The following GLCE variants were observed in gnomAD, a reference collection of about 807,000 sequenced individuals.
GLCE encodes glucuronic acid epimerase, also known as D-glucuronyl C5-epimerase.
In GLCE, 19 loss-of-function variants were observed where a neutral mutation model predicts 47.9. The ratio of observed to expected loss-of-function variants is 0.40; its 90% CI spans 0.28 to 0.58. GLCE has a LOEUF of 0.58. Among genes scored for constraint, GLCE ranks in the 20% least tolerant of loss-of-function variants. GLCE has a pLI of 0.48. For synonymous variants in GLCE, 245 were observed against 263.4 expected, an observed-to-expected ratio of 0.93 and a Z score of 0.68; for missense variants, 556 against 743.3, an observed-to-expected ratio of 0.75 and a Z score of 2.93.
intron 1 of GLCE, among the ~76,000 whole-genome samples, chr15:69,202,015 GCT>G (rs1352114977): frequency 6.6e-6 from 1 of 151,978 alleles, no homozygotes; most frequent in Non-Finnish European, 1.5e-5. Flanking sequence ...GACCTCCTCA[GCT>G]CAAACAGTCT....
At chr15:69,261,389 C>G in intron 4 of GLCE, 60 bp downstream of exon 4, 1 of 1,515,358 alleles carries the variant, frequency 6.6e-7, no homozygotes, top group South Asian at 1.2e-5. Flanking sequence ...CCCTGATAGT[C>G]CCTTAAAATT....
intron 2 of GLCE, among the ~76,000 whole-genome samples, chr15:69,249,617 TG>T (rs2052807901): frequency 6.6e-6 from 1 of 152,154 alleles, no homozygotes; most frequent in Non-Finnish European, 1.5e-5. Context: ...AGGGAAACTT[TG>T]GCCTACATTA....
chr15:69,246,006 G>A lies in GLCE; in HGVS notation c.-13-9788G>A, dbSNP rs575569508. The stretch of plus-strand genomic sequence containing the variant: ...GGCCTCCTAAAGTACTGGGTTTACA[G>A]GCGTGAGCCACCGCGCCCGGCCAGT... On this transcript the variant is annotated intron_variant, in intron 2 of 4. Coordinates refer to ENST00000261858, the MANE Select transcript of GLCE (RefSeq NM_015554.3). Among the ~76,000 whole-genome samples, 25 of 152,320 alleles carry A rather than the reference G, an allele frequency of 1.6e-4. No individual in the cohort carries two copies. In the South Asian group the frequency reaches 5.2e-3, roughly 32 times the overall value.
At chr15:69,233,211 A>G (rs1254479780) in intron 2 of GLCE, among the ~76,000 whole-genome samples, 2 of 152,160 alleles carry the variant, frequency 1.3e-5, no homozygotes, top group Non-Finnish European at 2.9e-5. Context: ...GTGCTCTATA[A>G]CCTCTAAGGA....
rs143718275 is a variant in GLCE at position 69,185,744 on chromosome 15, A to G, written c.-104-24572A>G. On this transcript the variant is annotated intron_variant, in intron 1 of 4. Coordinates refer to ENST00000261858, the MANE Select transcript of GLCE (RefSeq NM_015554.3). ...TTTCCCTACACACCAAGCAGTGCAC[A>G]TCAGCTGGGTATTCTCCAGTTCAAT... is the stretch of plus-strand genomic sequence containing the variant. Among the ~76,000 whole-genome samples, 55 of 152,172 alleles carry G rather than the reference A, an allele frequency of 3.6e-4. 1 individual carries two copies. The East Asian group carries it at 0.01, about 28-fold the overall frequency.
At position 69,198,814 on chromosome 15, in the gene GLCE, C is replaced by A. The variant is rs1595750312; in HGVS notation, c.-104-11502C>A. ...AAGTGATCCTCCTGCCTTGGCCTCC[C>A]AAAGTCTTGGGATTACAGGCGTGAA... On this transcript the variant is annotated intron_variant, in intron 1 of 4. Transcript: ENST00000261858. Among the ~76,000 whole-genome samples, 4 of 152,112 alleles carry A rather than the reference C, an allele frequency of 2.6e-5. No individual in the cohort carries two copies. In the East Asian group the frequency reaches 7.7e-4, roughly 29 times the overall value.
chr15:69,258,289 C>T lies in GLCE; in HGVS notation c.586+1897C>T, dbSNP rs1007851273. Among the ~76,000 whole-genome samples, 4 of 149,892 alleles carry T rather than the reference C, an allele frequency of 2.7e-5. No homozygotes were observed. In the East Asian group the frequency reaches 7.8e-4, roughly 29 times the overall value. On this transcript the variant is annotated intron_variant, in intron 3 of 4. Transcript: ENST00000261858. ...TGCGTTGGTTTGCTAAGGATAATGG[C>T]CCCTCGCTCCATCCATATTTCTACA...
chr15:69,208,574 T>C (rs925019931), intron 1 of GLCE, among the ~76,000 whole-genome samples: 2 of 152,086 alleles, frequency 1.3e-5, no homozygotes, highest in Non-Finnish European at 2.9e-5. Flanking sequence ...CCTTCAACTT[T>C]ATTCATTTTA....
At chr15:69,243,547 A>G (rs577627226) in intron 2 of GLCE, among the ~76,000 whole-genome samples, 1 of 147,734 alleles carries the variant, frequency 6.8e-6, no homozygotes, top group Non-Finnish European at 1.5e-5. Context: ...CAGGCTGGGT[A>G]ACTAATGAGA....
chr15:69,188,889 TA>T (rs1445177419), intron 1 of GLCE, among the ~76,000 whole-genome samples: 1 of 152,250 alleles, frequency 6.6e-6, no homozygotes, highest in Non-Finnish European at 1.5e-5. Context: ...AAATAAACTT[TA>T]TTTTTTTAGA....
At chr15:69,179,559 A>G (rs2051721279) in intron 1 of GLCE, among the ~76,000 whole-genome samples, 4 of 152,234 alleles carry the variant, frequency 2.6e-5, no homozygotes. Flanking sequence ...TTTCATCACA[A>G]CAGAAATCCC....
intron 2 of GLCE, among the ~76,000 whole-genome samples, chr15:69,221,862 CA>C (rs35986310): frequency 0.7 from 61,089 of 87,712 alleles, 19,845 homozygotes; most frequent in Middle Eastern, 0.79. Flanking sequence ...GACGCTGTCT[CA>C]AAAAAAAAAA....
intron 1 of GLCE, among the ~76,000 whole-genome samples, chr15:69,172,224 A>G (rs1322053736): frequency 6.6e-6 from 1 of 152,226 alleles, no homozygotes; most frequent in African/African-American, 2.4e-5. Flanking sequence ...AGTAAAGGTT[A>G]CAGACAATAA....
chr15:69,185,038 G>A (rs557270672), intron 1 of GLCE, among the ~76,000 whole-genome samples: 1 of 152,180 alleles, frequency 6.6e-6, no homozygotes, highest in Non-Finnish European at 1.5e-5. Flanking sequence ...TCAGAGTTGT[G>A]GCGTGGATAT....
chr15:69,197,882 G>A (rs1374591697), intron 1 of GLCE, among the ~76,000 whole-genome samples: 1 of 152,170 alleles, frequency 6.6e-6, no homozygotes, highest in Non-Finnish European at 1.5e-5. Context: ...GAATAATCCA[G>A]TAGAGAGGGA....
At chr15:69,179,397 C>T (rs2051718527) in intron 1 of GLCE, among the ~76,000 whole-genome samples, 1 of 152,148 alleles carries the variant, frequency 6.6e-6, no homozygotes, top group South Asian at 2.1e-4. Flanking sequence ...TTATATAACC[C>T]TAGTGCACTA....
At chr15:69,233,982 G>GTTT (rs201893518) in intron 2 of GLCE, among the ~76,000 whole-genome samples, 2 of 141,560 alleles carry the variant, frequency 1.4e-5, no homozygotes, top group African/African-American at 2.6e-5. Flanking sequence ...AGATTTTTTT[G>GTTT]TTTTTTTTTT....
chr15:69,207,208 G>A (rs1040631422), intron 1 of GLCE, among the ~76,000 whole-genome samples: 19 of 152,188 alleles, frequency 1.2e-4, no homozygotes, highest in African/African-American at 4.6e-4. Context: ...AGATTCATTT[G>A]TCATGGACTG....
intron 1 of GLCE, among the ~76,000 whole-genome samples, chr15:69,195,723 A>C (rs1212873900): frequency 6.6e-6 from 1 of 152,182 alleles, no homozygotes; most frequent in Non-Finnish European, 1.5e-5. Flanking sequence ...AATCTGTCAG[A>C]ACACAAATCA....
Sources: gnomAD v4.1 joint callset for allele counts (sites outside exome capture counted in the v4.1 genomes callset) on GRCh38, gnomAD v4.1.1 for gene constraint, MANE v1.5 for transcripts, NCBI Gene and HGNC (gene_info 2026-07-23, HGNC 2026-07-21) for gene names.